APOL1: variants seen among roughly 807,000 people sequenced by gnomAD.
APOL1 encodes the protein apolipoprotein L1, also known as apolipoprotein L 1.
In APOL1, 17 loss-of-function variants were observed where a neutral mutation model predicts 14.9. That is an observed-to-expected ratio of 1.14 (90% CI 0.78 to 1.71). APOL1 has a LOEUF of 1.71. Ranked by LOEUF, APOL1 falls within the 40% of genes most tolerant of loss-of-function variation. The pLI, the probability that APOL1 is intolerant of heterozygous loss-of-function variation, is 0.00. For missense variants in APOL1, 523 were observed against 485.9 expected (o/e 1.08, Z -0.72); for synonymous variants, 195 against 184.8 (o/e 1.05, Z -0.45).
At chr22:36,259,675 C>G in intron 4 of APOL1, 2 of 1,297,570 alleles carry the variant, frequency 1.5e-6, no homozygotes, top group Non-Finnish European at 2.0e-6. Context: ...ACAGGCCCAG[C>G]TGGGTCCAGA....
In APOL1 at chr22:36,256,991, C is replaced by T. The variant is rs141087521; in HGVS notation, c.45-92C>T. Reference sequence around the variant, plus strand: ...CCTGGTCATTGTCAGAACCTTCCTCCCCATCTCTATTTCTGTGTATAGACT... The same window carrying T: ...CCTGGTCATTGTCAGAACCTTCCTCTCCATCTCTATTTCTGTGTATAGACT... On this transcript the variant is annotated intron_variant, in intron 2 of 5. Coordinates refer to ENST00000397278, the MANE Select transcript of APOL1 (RefSeq NM_003661.4). The T allele has an allele frequency of 9.6e-4, 1,350 of 1,399,672 alleles. 12 individuals carry two copies. In the African/African-American group the frequency reaches 0.016, roughly 17 times the overall value. 86.7% of individuals were successfully genotyped at this position (1,399,672 alleles called of 1,614,324 possible).
intron 4 of APOL1, among the ~76,000 whole-genome samples, chr22:36,260,694 G>T (rs952001304): frequency 6.6e-6 from 1 of 152,200 alleles, no homozygotes; most frequent in African/African-American, 2.4e-5. Context: ...CCTCTGCTGG[G>T]AATGGTCAGG....
In APOL1 at chr22:36,266,642, ATG is replaced by A; in HGVS notation, c.*610_*611del. On this transcript the variant is annotated 3_prime_UTR_variant, in exon 6 of 6. Coordinates refer to ENST00000397278, the MANE Select transcript of APOL1 (RefSeq NM_003661.4). ...ATTGGGGGGCCGGGTGTAGTGGCTC[ATG>A]CCTGTAATCCGAGCACTTTGGGAGG... 1 of 393,868 alleles carries A rather than the reference ATG, an allele frequency of 2.5e-6. No individual in the cohort carries two copies. The allele number at this position is 393,868 out of a possible 1,614,324, so 24.4% of individuals were successfully genotyped here. A position where few individuals can be genotyped will look rare whatever the true frequency, so the allele number is the denominator to read the frequency against.
intron 3 of APOL1, 51 bp from the exon 4 acceptor site, chr22:36,257,268 G>C: frequency 6.2e-7 from 1 of 1,608,030 alleles, no homozygotes; most frequent in Non-Finnish European, 8.5e-7. Context: ...GCCTCCCTCT[G>C]TCCACTGGTG....
intron 2 of APOL1, among the ~76,000 whole-genome samples, 194 bp downstream of exon 2, chr22:36,255,193 C>T (rs184448468): frequency 8.8e-4 from 134 of 152,336 alleles, no homozygotes; most frequent in African/African-American, 2.9e-3. Context: ...GGTCAATATC[C>T]GGCCTCAATA....
At chr22:36,255,137 G>A in intron 2 of APOL1, 138 bp downstream of exon 2, 5 of 1,080,204 alleles carry the variant, frequency 4.6e-6, no homozygotes, top group Non-Finnish European at 7.0e-6. Context: ...TGACCAACCG[G>A]CAGACTCGCC....
At position 36,261,739 on chromosome 22, in the gene APOL1, T is replaced by A; in HGVS notation, c.314+17T>A. 1 of 1,612,142 alleles carries A rather than the reference T, an allele frequency of 6.2e-7. No homozygotes were observed. Among genetic ancestry groups the A allele is most frequent in the Non-Finnish European group, 8.5e-7 (1 of 1,178,596 alleles). The stretch of plus-strand genomic sequence containing the variant: ...ACTGCCCAGGTAAGCTCCATGGGGT[T>A]ACCTCCATTGGGCACTCCGGCGATG... On this transcript the variant is annotated intron_variant, in intron 5 of 5. Coordinates refer to ENST00000397278, the MANE Select transcript of APOL1 (RefSeq NM_003661.4).
Position 36,253,293 on chromosome 22 carries a change from G to A in APOL1, c.-20+74G>A, listed in dbSNP as rs919576117. ...GTAGATAAGCTGGGAGAGGTTAGGT[G>A]ACTGGTTCAGATAGACAGGAAAGTA... On this transcript the variant is annotated intron_variant, in intron 1 of 5. Coordinates refer to ENST00000397278, the MANE Select transcript of APOL1 (RefSeq NM_003661.4). The A allele has an allele frequency of 2.9e-5, 9 of 313,720 alleles. No homozygotes were observed. In the Admixed American group the frequency reaches 3.4e-4, roughly 12 times the overall value. 19.4% of individuals were successfully genotyped at this position (313,720 alleles called of 1,614,324 possible).
Position 36,266,888 on chromosome 22 carries a change from G to T in APOL1, c.*855G>T. 1.0e-5 allele frequency: 2 copies of T among 197,300 alleles called. No homozygotes were observed. The highest frequency in any genetic ancestry group is 1.0e-4 in the East Asian group (1 of 9,874). 12.2% of individuals were successfully genotyped at this position (197,300 alleles called of 1,614,324 possible). Reference sequence around the variant, plus strand: ...CCACTGCACTCCAGCCTGGGTGACAGAGCGAGACTCCATCTCAAAAAAAAA... The same window carrying T: ...CCACTGCACTCCAGCCTGGGTGACATAGCGAGACTCCATCTCAAAAAAAAA... On this transcript the variant is annotated 3_prime_UTR_variant, in exon 6 of 6. Coordinates refer to ENST00000397278, the MANE Select transcript of APOL1 (RefSeq NM_003661.4).
rs2016295471 is a variant in APOL1 at position 36,266,990 on chromosome 22, G to A, written c.*957G>A. 1 of 153,280 alleles carries A rather than the reference G, an allele frequency of 6.5e-6. No homozygotes were observed. The highest frequency in any genetic ancestry group is 1.5e-5 in the Non-Finnish European group (1 of 68,954). 9.5% of individuals were successfully genotyped at this position (153,280 alleles called of 1,614,324 possible). Reference sequence around the variant, plus strand: ...GCAATGAGAAGGCCAGGAAAAGAAAGAGCTGAAAATGGAGAAAGCCCAAGA... The same window carrying A: ...GCAATGAGAAGGCCAGGAAAAGAAAAAGCTGAAAATGGAGAAAGCCCAAGA... On this transcript the variant is annotated 3_prime_UTR_variant, in exon 6 of 6. Transcript: ENST00000397278.
At chr22:36,254,655 T>G (rs1286881212) in intron 1 of APOL1, among the ~76,000 whole-genome samples, 2 of 152,018 alleles carry the variant, frequency 1.3e-5, no homozygotes, top group Non-Finnish European at 2.9e-5. Flanking sequence ...GAGGTCAGGA[T>G]ATCGAGACCA....
chr22:36,258,281 C>T (rs1289561085), intron 4 of APOL1, among the ~76,000 whole-genome samples: 1 of 152,158 alleles, frequency 6.6e-6, no homozygotes. Flanking sequence ...AAATCTGAGG[C>T]CCAATAGAAT....
intron 1 of APOL1, 126 bp from the exon 2 acceptor site, chr22:36,254,811 C>T (rs996030073): frequency 8.1e-7 from 1 of 1,242,118 alleles, no homozygotes; most frequent in Admixed American, 1.9e-5. Context: ...TGTAGCGAGC[C>T]TAGATCGCCC....
In APOL1 at chr22:36,259,032, G is replaced by A. The variant is rs977694631; in HGVS notation, c.187+1625G>A. Among the ~76,000 whole-genome samples the A allele has an allele frequency of 5.3e-5, 8 of 152,284 alleles. No homozygotes were observed. In the East Asian group the frequency reaches 1.5e-3, roughly 29 times the overall value. On this transcript the variant is annotated intron_variant, in intron 4 of 5. Transcript: ENST00000397278. ...TCTGTGTCTGTCATGTGAACCTGCT[G>A]CCTGGAGTTCTTGTTTCTTCTGTGA... is the stretch of plus-strand genomic sequence containing the variant.
rs368502291 is a variant in APOL1 at position 36,253,992 on chromosome 22, G to C, written c.-20+773G>C. ...GATTCAAAAGCCACACTGTGGAATT[G>C]TGAGTATAACTACAGGAGTGAGAGC... On this transcript the variant is annotated intron_variant, in intron 1 of 5. Coordinates refer to ENST00000397278, the MANE Select transcript of APOL1 (RefSeq NM_003661.4). 49 of 1,614,186 alleles carry C rather than the reference G, an allele frequency of 3.0e-5. No homozygotes were observed. In the Middle Eastern group the frequency reaches 4.9e-4, roughly 16 times the overall value.
rs1472287082 is a variant in APOL1 at position 36,265,425 on chromosome 22, G to T, written c.589G>T (p.Ala197Ser). The T allele has an allele frequency of 6.2e-7, 1 of 1,614,110 alleles. No homozygotes were observed. Among genetic ancestry groups the T allele is most frequent in the South Asian group, 1.1e-5 (1 of 91,066 alleles). ...CCTGACCCTCGTCGGCATGGGTCTG[G>T]CACCCTTCACAGAGGGAGGCAGCCT... ...GILTLVGMGL[A>S]PFTEGGSLVL... Residue 197 changes from alanine to serine, a missense_variant, in exon 6 of 6, where the codon GCA (alanine) becomes TCA (serine). Ala to Ser is a moderately conservative substitution (Grantham distance 99). Transcript: ENST00000397278.
rs12106612 is a variant in APOL1, at chr22:36,261,757, C to T, written c.314+35C>T. ...ATGGGGTTACCTCCATTGGGCACTC[C>T]GGCGATGCCACCCAGCTCTCCCCTG... On this transcript the variant is annotated intron_variant, in intron 5 of 5. Coordinates refer to ENST00000397278, the MANE Select transcript of APOL1 (RefSeq NM_003661.4). 130 of 1,594,418 alleles carry T rather than the reference C, an allele frequency of 8.2e-5. No homozygotes were observed. In the African/African-American group the frequency reaches 1.4e-3, roughly 17 times the overall value.
chr22:36,259,585 C>A, intron 4 of APOL1: 2 of 1,223,682 alleles, frequency 1.6e-6, no homozygotes, highest in Non-Finnish European at 2.1e-6. Context: ...CTCAGCCGAC[C>A]CCGGAATCCT....
intron 2 of APOL1, among the ~76,000 whole-genome samples, chr22:36,255,827 G>A (rs1379668357): frequency 6.6e-6 from 1 of 150,936 alleles, no homozygotes; most frequent in Non-Finnish European, 1.5e-5. Flanking sequence ...TAACTGGGAT[G>A]GGCCTGAAAT....
Sources: allele counts gnomAD v4.1 joint callset (sites outside exome capture counted in the v4.1 genomes callset), GRCh38; gene constraint gnomAD v4.1.1; transcripts MANE v1.5; gene names NCBI Gene and HGNC (gene_info 2026-07-23, HGNC 2026-07-21).